Variants in PLAAT3 observed in about 807,000 individuals in gnomAD.
PLAAT3 encodes phospholipase A and acyltransferase 3.
In PLAAT3, 21 loss-of-function variants were observed where a neutral mutation model predicts 16.7. The observed-to-expected ratio is 1.26, with a 90% confidence interval of 0.89 to 1.81. The LOEUF (loss-of-function observed/expected upper bound fraction) is 1.81. PLAAT3 is among the 40% of genes most tolerant of loss of function. PLAAT3 has a pLI of 0.00. For missense variants in PLAAT3, 219 were observed against 213.7 expected (o/e 1.02, Z -0.16); for synonymous variants, 76 against 81.7 (o/e 0.93, Z 0.38).
intron 1 of PLAAT3, 51 bp from the exon 2 acceptor site, chr11:63,614,119 C>T: frequency 4.0e-6 from 6 of 1,513,764 alleles, no homozygotes; most frequent in Non-Finnish European, 5.5e-6. Flanking sequence ...AACTGCGTCT[C>T]CAGACCCCAC....
rs774988323 is a variant in PLAAT3 at position 63,590,114 on chromosome 11, C to T, written c.373G>A (p.Ala125Thr). 23 of 1,613,670 alleles carry T rather than the reference C, an allele frequency of 1.4e-5. No individual in the cohort carries two copies. Among genetic ancestry groups the T allele is most frequent in the East Asian group, 4.5e-5 (2 of 44,880 alleles). ...HFVNELRYGV[A>T]RSDQVRDVII... ...AGAGGACGCACCTGGTCACTGCGGG[C>T]GACTCCATAGCGCAGCTCATTCACA... is the stretch of plus-strand genomic sequence containing the variant. Residue 125 changes from alanine to threonine, a missense_variant, in exon 4 of 5, where the codon GCC becomes ACC. Transcript: ENST00000415826.
chr11:63,592,566 C>T (rs561556002), intron 3 of PLAAT3, among the ~76,000 whole-genome samples: 11 of 152,270 alleles, frequency 7.2e-5, no homozygotes, highest in Admixed American at 2.0e-4. Context: ...AATCCATCAG[C>T]GACTGAATTT....
At chr11:63,611,112 GT>G (rs1408081866) in intron 2 of PLAAT3, among the ~76,000 whole-genome samples, 1 of 152,004 alleles carries the variant, frequency 6.6e-6, no homozygotes. Flanking sequence ...TTGTTTTATT[GT>G]GTTTTGTTTT....
intron 4 of PLAAT3, among the ~76,000 whole-genome samples, chr11:63,582,908 G>T (rs889277424): frequency 1.3e-5 from 2 of 152,094 alleles, no homozygotes; most frequent in Non-Finnish European, 2.9e-5. Context: ...CGAGGCAGGC[G>T]GATGATGAGG....
chr11:63,613,177 C>A (rs529815679), intron 2 of PLAAT3, among the ~76,000 whole-genome samples: 1 of 152,164 alleles, frequency 6.6e-6, no homozygotes, highest in East Asian at 1.9e-4. Context: ...TTTGCGAGAC[C>A]GAGGCGGGCG....
chr11:63,600,587 T>TTTTTGTTTTGTTTTGTTTTG (rs111781962), intron 2 of PLAAT3, among the ~76,000 whole-genome samples: 38 of 148,438 alleles, frequency 2.6e-4, no homozygotes, highest in African/African-American at 9.3e-4. Context: ...TTTTTTGTTT[T>TTTTTGTTTTGTTTTGTTTTG]TTTTGTTTTG....
At chr11:63,576,389 C>T (rs953895904) in intron 4 of PLAAT3, among the ~76,000 whole-genome samples, 7 of 152,214 alleles carry the variant, frequency 4.6e-5, no homozygotes, top group African/African-American at 9.6e-5. Flanking sequence ...TTTGGGAGGC[C>T]GAGGCAGGTG....
rs1565258993 is a variant in PLAAT3, at chr11:63,614,076, A to AG, written c.-54-9dup. Reference sequence around the variant, plus strand: ...ATTTCGCTGCGTAGATGTCTGAGGCAGGGGGAGCAGGGATTTATTGTCATT... The same window carrying AG: ...ATTTCGCTGCGTAGATGTCTGAGGCAGGGGGGAGCAGGGATTTATTGTCATT... On this transcript the variant is annotated splice_polypyrimidine_tract_variant and intron_variant, in intron 1 of 4. Coordinates refer to ENST00000415826, the MANE Select transcript of PLAAT3 (RefSeq NM_001128203.2). The AG allele has an allele frequency of 2.5e-6, 4 of 1,612,204 alleles. No individual in the cohort carries two copies. The highest frequency in any genetic ancestry group is 2.2e-5 in the South Asian group (2 of 90,998).
intron 4 of PLAAT3, among the ~76,000 whole-genome samples, chr11:63,575,322 C>T (rs1326459091): frequency 6.6e-6 from 1 of 152,170 alleles, no homozygotes; most frequent in Non-Finnish European, 1.5e-5. Flanking sequence ...ATCCTCAGAG[C>T]GTGGCTGTGG....
chr11:63,586,888 A>C (rs1409545948), intron 4 of PLAAT3, among the ~76,000 whole-genome samples: 1 of 152,236 alleles, frequency 6.6e-6, no homozygotes, highest in Non-Finnish European at 1.5e-5. Flanking sequence ...GTTCCAGACC[A>C]GCCTGGCCGA....
chr11:63,585,064 G>C (rs890777875), intron 4 of PLAAT3, among the ~76,000 whole-genome samples: 1 of 142,338 alleles, frequency 7.0e-6, no homozygotes, highest in East Asian at 2.0e-4. Flanking sequence ...TTTTGCTCTT[G>C]TTGCCCAGCC....
At chr11:63,614,458 G>A (rs899703396), upstream of PLAAT3, 1 of 161,948 alleles carries the variant, frequency 6.2e-6, no homozygotes, top group Non-Finnish European at 1.3e-5. Context: ...CCGGGCCGGC[G>A]TGAGGTCACC....
intron 3 of PLAAT3, among the ~76,000 whole-genome samples, chr11:63,596,921 A>C (rs1185433889): frequency 6.6e-6 from 1 of 151,524 alleles, no homozygotes. Flanking sequence ...TATGATGAAA[A>C]TCCATCTCTA....
intron 3 of PLAAT3, among the ~76,000 whole-genome samples, chr11:63,597,498 C>A (rs1938319727): frequency 6.6e-6 from 1 of 152,128 alleles, no homozygotes; most frequent in African/African-American, 2.4e-5. Flanking sequence ...TGCACTCCAG[C>A]CTGAGTGACA....
chr11:63,601,104 G>C (rs1241509842), intron 2 of PLAAT3, among the ~76,000 whole-genome samples: 1 of 146,760 alleles, frequency 6.8e-6, no homozygotes, highest in Non-Finnish European at 1.5e-5. Flanking sequence ...ACCCAGGCTG[G>C]AGTACAGTGG....
chr11:63,614,154 G>A (rs1396162882), intron 1 of PLAAT3, 86 bp from the exon 2 acceptor site: 3 of 1,120,102 alleles, frequency 2.7e-6, no homozygotes, highest in African/African-American at 3.1e-5. Flanking sequence ...TGTTGGGCAG[G>A]GCGTGAGAGG....
Position 63,574,635 on chromosome 11 carries a change from C to A in PLAAT3, c.*310G>T. On this transcript the variant is annotated 3_prime_UTR_variant, in exon 5 of 5. Coordinates refer to ENST00000415826, the MANE Select transcript of PLAAT3 (RefSeq NM_001128203.2). The stretch of plus-strand genomic sequence containing the variant: ...GCATGTATCCTGACGACCAGAAACG[C>A]CCTCTACTTGAGATAACTGGAGCTG... 1 of 274,780 alleles carries A rather than the reference C, an allele frequency of 3.6e-6. No homozygotes were observed. The highest frequency in any genetic ancestry group is 6.9e-6 in the Non-Finnish European group (1 of 143,932). The allele number at this position is 274,780 out of a possible 1,614,324, so 17.0% of individuals were successfully genotyped here. A position where few individuals can be genotyped will look rare whatever the true frequency, so the allele number is the denominator to read the frequency against.
At chr11:63,605,367 C>T (rs1455386133) in intron 2 of PLAAT3, among the ~76,000 whole-genome samples, 2 of 152,000 alleles carry the variant, frequency 1.3e-5, no homozygotes, top group African/African-American at 2.4e-5. Context: ...CATTGTACTC[C>T]AGCCTGGGCG....
chr11:63,616,098 T>G (rs1349025171), upstream of PLAAT3, among the ~76,000 whole-genome samples: 8 of 152,334 alleles, frequency 5.3e-5, 1 homozygote, highest in South Asian at 1.4e-3. Context: ...ATACTTCTTT[T>G]GTGGTGAGAA....
Sources: allele counts gnomAD v4.1 joint callset (sites outside exome capture counted in the v4.1 genomes callset), GRCh38; gene constraint gnomAD v4.1.1; transcripts MANE v1.5; gene names NCBI Gene and HGNC (gene_info 2026-07-23, HGNC 2026-07-21).